ERN2: variants seen among roughly 807,000 people sequenced by gnomAD.
The protein encoded by ERN2 is serine/threonine-protein kinase/endoribonuclease IRE2.
Under a neutral mutation model 107.9 loss-of-function variants are expected in ERN2, and 111 were observed. The ratio of observed to expected loss-of-function variants is 1.03; its 90% confidence interval spans 0.88 to 1.20. The LOEUF (loss-of-function observed/expected upper bound fraction) is 1.20. Among genes scored for constraint, ERN2 ranks in the 50% most tolerant of loss-of-function variants. The probability of loss-of-function intolerance (pLI) is 0.00; values close to 1 mark genes in which losing one functional copy is unlikely to be tolerated. For synonymous variants in ERN2, 524 were observed against 501.7 expected, an observed-to-expected ratio of 1.04 and a Z score of -0.59; for missense variants, 1,225 against 1,197.9, an observed-to-expected ratio of 1.02 and a Z score of -0.33.
chr16:23,692,733 T>TG (rs1959647871), intron 17 of ERN2, among the ~76,000 whole-genome samples: 1 of 99,736 alleles, frequency 1.0e-5, no homozygotes, highest in South Asian at 3.8e-4. Context: ...GAGCTGATTT[T>TG]GTTTTTTTTT....
chr16:23,702,586 T>C (rs1960131481), intron 9 of ERN2, 38 bp downstream of exon 9: 1 of 1,613,932 alleles, frequency 6.2e-7, no homozygotes, highest in African/African-American at 1.3e-5. Context: ...CTTCTCCCGT[T>C]CATCCTCTTT....
At position 23,692,060 on chromosome 16, in the gene ERN2, G is replaced by A; in HGVS notation, c.2279C>T (p.Ala760Val). 6.2e-7 allele frequency: 1 copy of A among 1,613,804 alleles called. No homozygotes were observed. The highest frequency in any genetic ancestry group is 8.5e-7 in the Non-Finnish European group (1 of 1,180,034). ...DKVVARDLVG[A>V]MLSPLPQPRP... Reference sequence around the variant, plus strand: ...TGGCTGCGGCAGTGGGCTCAACATGGCTCCAACCAGGTCCCGGGCAACCAC... The same window carrying A: ...TGGCTGCGGCAGTGGGCTCAACATGACTCCAACCAGGTCCCGGGCAACCAC... The change falls in exon 19 of 22, where the codon GCC becomes GTC. Residue 760 changes from alanine to valine, a missense_variant. Coordinates refer to ENST00000256797, the MANE Select transcript of ERN2 (RefSeq NM_033266.4).
Position 23,691,010 on chromosome 16 carries a change from G to A in ERN2, c.2602C>T (p.Arg868Ter), listed in dbSNP as rs755206735. The change falls in exon 22 of 22, where the codon CGA becomes TGA. Residue 868 changes from arginine (R) to a stop codon, truncating the protein, a stop_gained. Transcript: ENST00000256797. LOFTEE classifies it low-confidence loss of function (END_TRUNC). ...TCAGGGACTTGGCCGAGTGCCTGTC[G>A]CACCTCAACTGGGAGCTCCCTGTAG... ...HHYRELPVEVRQALGQVPDGF... is the reference protein window; with the variant it reads ...HHYRELPVEV 10 of 1,614,062 alleles carry A rather than the reference G, an allele frequency of 6.2e-6. No individual in the cohort carries two copies. The highest frequency in any genetic ancestry group is 4.5e-5 in the East Asian group (2 of 44,894).
chr16:23,694,098 C>T (rs1483671067), intron 17 of ERN2, among the ~76,000 whole-genome samples: 4 of 152,100 alleles, frequency 2.6e-5, no homozygotes, highest in Non-Finnish European at 2.9e-5. Context: ...CAGGCTCAAG[C>T]GATCCTCCCA....
At chr16:23,699,072 A>G (rs979324560) in intron 13 of ERN2, among the ~76,000 whole-genome samples, 2 of 152,178 alleles carry the variant, frequency 1.3e-5, no homozygotes, top group African/African-American at 4.8e-5. Flanking sequence ...TTTGGGGTAC[A>G]GTGGGGTGAG....
Position 23,690,828 on chromosome 16 carries a change from A to C in ERN2, c.*3T>G, listed in dbSNP as rs1254563791. 1.9e-6 allele frequency: 3 copies of C among 1,608,082 alleles called. No homozygotes were observed. The Admixed American group carries it at 5.0e-5, about 27-fold the overall frequency. ...AGACCATCTGTGTGGCATCCAGCCC[A>C]CCTCACCTCCCTGTGGCCCCAGGGC... On this transcript the variant is annotated 3_prime_UTR_variant, in exon 22 of 22. Coordinates refer to ENST00000256797, the MANE Select transcript of ERN2 (RefSeq NM_033266.4).
rs200442869 is a variant in ERN2 at position 23,690,802 on chromosome 16, G to C, written c.*29C>G. 22 of 1,582,116 alleles carry C rather than the reference G, an allele frequency of 1.4e-5. No homozygotes were observed. The highest frequency in any genetic ancestry group is 1.8e-5 in the Non-Finnish European group (21 of 1,161,938). On this transcript the variant is annotated 3_prime_UTR_variant, in exon 22 of 22. Coordinates refer to ENST00000256797, the MANE Select transcript of ERN2 (RefSeq NM_033266.4). ...CTCAGCTCTTCAGTGAGCCAGCACG[G>C]AGACCATCTGTGTGGCATCCAGCCC...
At chr16:23,711,169 C>T in intron 1 of ERN2, 151 bp from the exon 2 acceptor site, 1 of 598,880 alleles carries the variant, frequency 1.7e-6, no homozygotes. Context: ...TGGTGTCACT[C>T]ATCATCTCTT....
In ERN2 at chr16:23,702,382, G is replaced by T; in HGVS notation, c.1081+8C>A. 1 of 1,612,398 alleles carries T rather than the reference G, an allele frequency of 6.2e-7. No individual in the cohort carries two copies. The highest frequency in any genetic ancestry group is 2.2e-5 in the East Asian group (1 of 44,838). ...CATCTACTCCCAATTTGAGCCAGAG[G>T]ATCTCACCAATGAGCAGCCACTGGC... is the stretch of plus-strand genomic sequence containing the variant. On this transcript the variant is annotated splice_region_variant and intron_variant, in intron 10 of 21. Coordinates refer to ENST00000256797, the MANE Select transcript of ERN2 (RefSeq NM_033266.4).
chr16:23,712,978 C>A, intron 1 of ERN2, 117 bp downstream of exon 1: 1 of 763,016 alleles, frequency 1.3e-6, no homozygotes. Flanking sequence ...ACCACCCAGG[C>A]GTGAGGGAGG....
chr16:23,710,232 G>A lies in ERN2; in HGVS notation c.246C>T (p.Leu82=), dbSNP rs1960484842. The change falls in exon 4 of 22, where the codon CTC becomes CTT. Residue 82 remains leucine, a synonymous_variant. Coordinates refer to ENST00000256797, the MANE Select transcript of ERN2 (RefSeq NM_033266.4). ...GPMYVTEMAF[L]SDPADGSLYI... Reference sequence around the variant, plus strand: ...ACAGGCTGCCATCTGCTGGGTCAGAGAGAAAGGCCATTCTGTGGAGCAGAG... The same window carrying A: ...ACAGGCTGCCATCTGCTGGGTCAGAAAGAAAGGCCATTCTGTGGAGCAGAG... 2 of 1,613,822 alleles carry A rather than the reference G, an allele frequency of 1.2e-6. No individual in the cohort carries two copies. Among genetic ancestry groups the A allele is most frequent in the African/African-American group, 2.7e-5 (2 of 74,928 alleles).
chr16:23,692,025 CA>C lies in ERN2; in HGVS notation c.2313del (p.Ala772ProfsTer37). On this transcript the variant is annotated frameshift_variant, in exon 19 of 22. Coordinates refer to ENST00000256797, the MANE Select transcript of ERN2 (RefSeq NM_033266.4). LOFTEE classifies it high-confidence loss of function. The stretch of plus-strand genomic sequence containing the variant: ...AAGGGGTGGGCCAGCACCTGGGGGG[CA>C]GAGGGGCGTGGCTGCGGCAGTGGGC... ...MLSPLPQPRP[S>X]APQVLAHPFF... The C allele has an allele frequency of 6.2e-7, 1 of 1,613,936 alleles. No homozygotes were observed. The highest frequency in any genetic ancestry group is 8.5e-7 in the Non-Finnish European group (1 of 1,179,992).
rs1005355228 is a variant in ERN2, at chr16:23,690,818, C to T, written c.*13G>A. ...GCCAGCACGGAGACCATCTGTGTGG[C>T]ATCCAGCCCACCTCACCTCCCTGTG... On this transcript the variant is annotated 3_prime_UTR_variant, in exon 22 of 22. Transcript: ENST00000256797. 1.2e-6 allele frequency: 2 copies of T among 1,601,146 alleles called. No homozygotes were observed. The highest frequency in any genetic ancestry group is 1.7e-6 in the Non-Finnish European group (2 of 1,175,392).
intron 1 of ERN2, 105 bp downstream of exon 1, chr16:23,712,990 A>G: frequency 1.2e-6 from 1 of 833,256 alleles, no homozygotes; most frequent in South Asian, 1.9e-5. Flanking sequence ...TGAGGGAGGG[A>G]GAGGTGCCCC....
At chr16:23,694,440 CATTT>C (rs1417326567) in intron 17 of ERN2, among the ~76,000 whole-genome samples, 1 of 152,198 alleles carries the variant, frequency 6.6e-6, no homozygotes. Context: ...TCCTGTAAGA[CATTT>C]AGCAGCATTT....
Position 23,713,167 on chromosome 16 carries a change from C to T in ERN2, c.21G>A (p.Gly7=), listed in dbSNP as rs369495732. Residue 7 remains glycine (G), a synonymous_variant, in exon 1 of 22, where the codon GGG becomes GGA. Transcript: ENST00000256797. Reference sequence around the variant, plus strand: ...GCCCCAGCCGGGGCCACGGCCTCGACCCCCTGACCGCACTCGCCATAGCGC... The same window carrying T: ...GCCCCAGCCGGGGCCACGGCCTCGATCCCCTGACCGCACTCGCCATAGCGC... The part of the protein sequence containing the change: MASAVR[G]SRPWPRLGLQ... 5.7e-6 allele frequency: 9 copies of T among 1,575,808 alleles called. No homozygotes were observed. The highest frequency in any genetic ancestry group is 7.7e-6 in the Non-Finnish European group (9 of 1,167,046).
At chr16:23,713,006 C>T (rs1010781896) in intron 1 of ERN2, 89 bp downstream of exon 1, 200 of 1,032,120 alleles carry the variant, frequency 1.9e-4, no homozygotes, top group Non-Finnish European at 2.5e-4. Context: ...GCCCCCGTGG[C>T]CCCGCCGCGC....
Position 23,690,847 on chromosome 16 carries a change from C to A in ERN2, c.2765G>T (p.Gly922Val). 1 of 1,611,986 alleles carries A rather than the reference C, an allele frequency of 6.2e-7. No individual in the cohort carries two copies. ...PDSEARRPCP[G>V]ATGR ...CAGCCCACCTCACCTCCCTGTGGCC[C>A]CAGGGCATGGCCTCCTGGCCTCTGA... is the stretch of plus-strand genomic sequence containing the variant. Residue 922 changes from glycine (G) to valine (V), a missense_variant, in exon 22 of 22, where the codon GGG (glycine) becomes GTG (valine). By Grantham distance (109) the Gly-to-Val change is moderately radical. Transcript: ENST00000256797.
chr16:23,708,542 G>A (rs373130646), intron 4 of ERN2, among the ~76,000 whole-genome samples: 5 of 151,956 alleles, frequency 3.3e-5, no homozygotes, highest in African/African-American at 1.2e-4. Flanking sequence ...TTTTTTGGTA[G>A]AGACGGGGTT....
Sources: gnomAD v4.1 joint callset for allele counts (sites outside exome capture counted in the v4.1 genomes callset) on GRCh38, gnomAD v4.1.1 for gene constraint, MANE v1.5 for transcripts, NCBI Gene and HGNC (gene_info 2026-07-23, HGNC 2026-07-21) for gene names.